Variants in KNDC1 observed in about 807,000 individuals in gnomAD.
KNDC1 encodes the protein kinase non-catalytic C-lobe domain-containing protein 1.
A neutral mutation model predicts 172.8 loss-of-function variants in KNDC1; 106 were observed. That is an observed-to-expected ratio of 0.61 (90% CI 0.52 to 0.72). The LOEUF is 0.72. Among genes scored for constraint, KNDC1 ranks in the 30% least tolerant of loss-of-function variants. KNDC1 has a pLI of 0.00. For missense variants in KNDC1, 2,325 were observed against 2,394.5 expected (o/e 0.97, Z 0.61); for synonymous variants, 1,083 against 1,062.2 (o/e 1.02, Z -0.38).
Position 133,195,802 on chromosome 10 carries a change from C to A in KNDC1, c.1715C>A (p.Ser572Tyr), listed in dbSNP as rs1854174697. 7 of 1,573,900 alleles carry A rather than the reference C, an allele frequency of 4.4e-6. No individual in the cohort carries two copies. The highest frequency in any genetic ancestry group is 1.4e-5 in the African/African-American group (1 of 73,818). ...AGGCGCAGTGCCCCGGAGCGGCCGT[C>A]CGCGGCTGAGGCCATCAAGGTAACC... The part of the protein sequence containing the change: ...MARRSAPERP[S>Y]AAEAIKVCGS... Residue 572 changes from serine to tyrosine, a missense_variant, in exon 10 of 30, where the codon TCC becomes TAC. By Grantham distance (144) the Ser-to-Tyr change is moderately radical (BLOSUM62 -2). Transcript: ENST00000304613.
chr10:133,201,307 G>A (rs527991024), intron 16 of KNDC1, among the ~76,000 whole-genome samples, 194 bp from the exon 17 acceptor site: 1 of 152,306 alleles, frequency 6.6e-6, no homozygotes, highest in African/African-American at 2.4e-5. Flanking sequence ...ACCCGGCCCC[G>A]TGCGGCAGTT....
chr10:133,214,873 A>G (rs1241715274), intron 26 of KNDC1, among the ~76,000 whole-genome samples: 1 of 152,188 alleles, frequency 6.6e-6, no homozygotes, highest in African/African-American at 2.4e-5. Context: ...TGCCTCGACC[A>G]GCTCATCCTT....
chr10:133,218,992 C>T (rs777022385), intron 27 of KNDC1, 39 bp downstream of exon 27: 41 of 1,613,638 alleles, frequency 2.5e-5, no homozygotes, highest in Non-Finnish European at 3.0e-5. Flanking sequence ...GGTGGGTACC[C>T]GCACGGCCGC....
rs754313442 is a variant in KNDC1, at chr10:133,167,598, T to TGGCGGC, written c.301+28_301+33dup. ...CTCAGCGGTGAGGCGGCGGTGGCGG[T>TGGCGGC]GGCGGCGGCGGCGGGCACGCGGGGT... On this transcript the variant is annotated intron_variant, in intron 2 of 29. Coordinates refer to ENST00000304613, the MANE Select transcript of KNDC1 (RefSeq NM_152643.8). 20 of 1,558,828 alleles carry TGGCGGC rather than the reference T, an allele frequency of 1.3e-5. No homozygotes were observed. The highest frequency in any genetic ancestry group is 7.6e-5 in the Admixed American group (4 of 52,722).
chr10:133,198,878 T>C lies in KNDC1; in HGVS notation c.2370T>C (p.Ser790=), dbSNP rs762079180. Residue 790 remains serine, a synonymous_variant, in exon 14 of 30, where the codon TCT becomes TCC. Transcript: ENST00000304613. ...SPVPAPPTKA[S]ALPVEQGPAE... is the part of the protein sequence containing the mutation. Reference sequence around the variant, plus strand: ...TCCCCGCCCCGCCCACGAAGGCATCTGCGCTGCCCGTAGAGCAAGGGCCGG... The same window carrying C: ...TCCCCGCCCCGCCCACGAAGGCATCCGCGCTGCCCGTAGAGCAAGGGCCGG... 1.3e-6 allele frequency: 2 copies of C among 1,596,636 alleles called. No homozygotes were observed. The highest frequency in any genetic ancestry group is 1.7e-6 in the Non-Finnish European group (2 of 1,175,616).
At chr10:133,175,544 A>G in intron 3 of KNDC1, among the ~76,000 whole-genome samples, 1 of 147,436 alleles carries the variant, frequency 6.8e-6, no homozygotes, top group South Asian at 2.3e-4. Context: ...GGTTGGGTGG[A>G]GGATAGATGA....
intron 15 of KNDC1, among the ~76,000 whole-genome samples, chr10:133,200,129 A>AGCCCCGGCCTCCTCG (rs969439397): frequency 2.0e-5 from 3 of 151,876 alleles, no homozygotes; most frequent in Non-Finnish European, 4.4e-5. Flanking sequence ...CACCCACCCC[A>AGCCCCGGCCTCCTCG]GCCCCGGCCT....
intron 3 of KNDC1, among the ~76,000 whole-genome samples, chr10:133,178,239 G>A (rs1192822577): frequency 6.6e-6 from 1 of 152,072 alleles, no homozygotes; most frequent in Non-Finnish European, 1.5e-5. Flanking sequence ...CATGTAGCGT[G>A]TTGCATGTCA....
intron 3 of KNDC1, among the ~76,000 whole-genome samples, chr10:133,172,575 C>T (rs1219628356): frequency 1.3e-5 from 2 of 152,196 alleles, no homozygotes; most frequent in African/African-American, 4.8e-5. Context: ...GCAGCACCCC[C>T]TCCCTTTCTT....
chr10:133,186,239 C>T lies in KNDC1; in HGVS notation c.891C>T (p.Leu297=). The T allele has an allele frequency of 6.3e-7, 1 of 1,594,266 alleles. No individual in the cohort carries two copies. The highest frequency in any genetic ancestry group is 1.7e-4 in the Middle Eastern group (1 of 5,962). ...TCGGGGAGCTGGACAGAGACGCCCT[C>T]AGGAGAAGCCGCCTGCGGAAGGTGC... The part of the protein sequence containing the change: ...RTLGELDRDA[L]RRSRLRKVQT... Residue 297 remains leucine, a synonymous_variant, in exon 6 of 30, where the codon CTC becomes CTT. Transcript: ENST00000304613.
At chr10:133,190,099 CAT>C (rs1854037378) in intron 9 of KNDC1, among the ~76,000 whole-genome samples, 1 of 152,222 alleles carries the variant, frequency 6.6e-6, no homozygotes, top group Non-Finnish European at 1.5e-5. Context: ...ACCTGTGAAA[CAT>C]GAGCATTCTT....
intron 3 of KNDC1, among the ~76,000 whole-genome samples, chr10:133,169,504 C>T (rs180913142): frequency 1.8e-4 from 27 of 152,336 alleles, no homozygotes; most frequent in Admixed American, 1.8e-3. Context: ...CCGCACCCTG[C>T]TTACTTTCAC....
Position 133,163,575 on chromosome 10 carries a change from T to C in KNDC1, c.102+3006T>C, listed in dbSNP as rs2135939598. On this transcript the variant is annotated intron_variant, in intron 1 of 29. Transcript: ENST00000304613. This position sits in a 1 kb window ranked among gnomAD's most constrained non-coding sequence, Gnocchi z 4.4. ...GATTGGCAGCCAGTGCTCCCAGCTGTGATTGGAGTTTTGTATTAGTCCTGT... is the reference window on the plus strand; with the variant it reads ...GATTGGCAGCCAGTGCTCCCAGCTGCGATTGGAGTTTTGTATTAGTCCTGT... Among the ~76,000 whole-genome samples, 1 of 152,118 alleles carries C rather than the reference T, an allele frequency of 6.6e-6. No homozygotes were observed. Among genetic ancestry groups the C allele is most frequent in the South Asian group, 2.1e-4 (1 of 4,808 alleles).
intron 1 of KNDC1, among the ~76,000 whole-genome samples, chr10:133,162,671 C>A (rs999898829): frequency 6.6e-6 from 1 of 152,268 alleles, no homozygotes; most frequent in African/African-American, 2.4e-5. Context: ...TTCCCAAGAC[C>A]GCCAGGCTGG....
At chr10:133,180,746 T>C (rs1349431551) in intron 3 of KNDC1, among the ~76,000 whole-genome samples, 1 of 152,238 alleles carries the variant, frequency 6.6e-6, no homozygotes, top group African/African-American at 2.4e-5. Flanking sequence ...CGAGCCCTGA[T>C]GCGCAGGGGC....
intron 3 of KNDC1, among the ~76,000 whole-genome samples, chr10:133,175,388 G>A (rs1853503920): frequency 1.4e-5 from 2 of 147,176 alleles, no homozygotes; most frequent in South Asian, 4.5e-4. Context: ...GTGGAGGATG[G>A]ATGGGTGGAT....
At chr10:133,221,621 G>A (rs1260476943) in intron 29 of KNDC1, among the ~76,000 whole-genome samples, 1 of 152,222 alleles carries the variant, frequency 6.6e-6, no homozygotes, top group Non-Finnish European at 1.5e-5. Flanking sequence ...CCTCACTTGG[G>A]GAGCAATGCT....
At chr10:133,160,591 G>T (rs1273029713) in intron 1 of KNDC1, 22 bp downstream of exon 1, 1 of 1,531,126 alleles carries the variant, frequency 6.5e-7, no homozygotes, top group East Asian at 2.5e-5. Context: ...GCCCCACTGG[G>T]GGGCCCCTTC....
chr10:133,180,460 C>T (rs890140761), intron 3 of KNDC1, among the ~76,000 whole-genome samples: 2 of 152,274 alleles, frequency 1.3e-5, no homozygotes, highest in Admixed American at 6.5e-5. Flanking sequence ...CTTATGGTGC[C>T]AGCCGGAGGG....
Sources: gnomAD v4.1 joint callset for allele counts (sites outside exome capture counted in the v4.1 genomes callset) on GRCh38, gnomAD v4.1.1 for gene constraint, Gnocchi (gnomAD v3.1) non-coding constraint, MANE v1.5 for transcripts, NCBI Gene and HGNC (gene_info 2026-07-23, HGNC 2026-07-21) for gene names.